The following GATB variants were observed in gnomAD, a reference collection of about 807,000 sequenced individuals.
The protein encoded by GATB is glutamyl-tRNA amidotransferase subunit B.
In GATB, 39 loss-of-function variants were observed where a neutral mutation model predicts 62.3. That is an observed-to-expected ratio of 0.63 (90% CI 0.48 to 0.82). GATB has a LOEUF of 0.82. Among genes scored for constraint, GATB ranks in the 40% least tolerant of loss-of-function variants. The pLI is 0.00. For synonymous variants in GATB, 276 were observed against 258.9 expected (o/e 1.07, Z -0.63); for missense variants, 670 against 684.0 (o/e 0.98, Z 0.23).
At chr4:151,758,643 T>C in intron 2 of GATB, 129 bp downstream of exon 2, 1 of 749,402 alleles carries the variant, frequency 1.3e-6, no homozygotes, top group Non-Finnish European at 2.0e-6. Flanking sequence ...TATATCCCGC[T>C]TCACCCAAAA....
At chr4:151,692,288 T>G (rs1490634167) in intron 9 of GATB, among the ~76,000 whole-genome samples, 3 of 152,180 alleles carry the variant, frequency 2.0e-5, no homozygotes, top group Non-Finnish European at 4.4e-5. Context: ...TGGCACTGCC[T>G]TTGAGGAAGA....
chr4:151,751,930 G>A (rs1019488074), intron 2 of GATB, among the ~76,000 whole-genome samples: 1 of 151,958 alleles, frequency 6.6e-6, no homozygotes, highest in Non-Finnish European at 1.5e-5. Context: ...CTCTTCCAAC[G>A]GTCTCATGGT....
chr4:151,697,981 A>ATG (rs1367801785), intron 9 of GATB, among the ~76,000 whole-genome samples: 3 of 133,008 alleles, frequency 2.3e-5, no homozygotes, highest in African/African-American at 9.0e-5. Flanking sequence ...ATATATATAT[A>ATG]TATATATATA....
At chr4:151,678,662 C>G (rs1217857566) in intron 11 of GATB, among the ~76,000 whole-genome samples, 1 of 152,164 alleles carries the variant, frequency 6.6e-6, no homozygotes, top group Non-Finnish European at 1.5e-5. Flanking sequence ...CCACAGCACC[C>G]AGCCCGGTGC....
At chr4:151,743,862 G>C (rs1286363425) in intron 2 of GATB, among the ~76,000 whole-genome samples, 2 of 152,188 alleles carry the variant, frequency 1.3e-5, no homozygotes, top group Admixed American at 6.5e-5. Context: ...GTGATAATCT[G>C]ACTTTGTGAA....
chr4:151,712,442 C>G (rs1456346069), intron 5 of GATB, among the ~76,000 whole-genome samples: 3 of 152,248 alleles, frequency 2.0e-5, no homozygotes, highest in African/African-American at 7.2e-5. Flanking sequence ...AGATTTATAA[C>G]AGCAAAACTA....
chr4:151,743,737 C>T (rs1578937395), intron 2 of GATB, among the ~76,000 whole-genome samples: 1 of 152,194 alleles, frequency 6.6e-6, no homozygotes, highest in East Asian at 1.9e-4. Context: ...TTTTCAGGAC[C>T]TCTTCCTATT....
intron 10 of GATB, among the ~76,000 whole-genome samples, chr4:151,680,309 C>T (rs1181106989): frequency 2.0e-5 from 3 of 150,824 alleles, no homozygotes; most frequent in South Asian, 2.1e-4. Context: ...AACAAAGTCA[C>T]GTTTCTGAGT....
Position 151,701,433 on chromosome 4 carries a change from T to C in GATB, c.1093A>G (p.Asn365Asp). Residue 365 changes from asparagine to aspartate, a missense_variant, in exon 9 of 13, where the codon AAT becomes GAT. By Grantham distance (23) the Asn-to-Asp change is conservative. Coordinates refer to ENST00000263985, the MANE Select transcript of GATB (RefSeq NM_004564.3). ...PAGADPQQVI[N>D]IDQIRETLPE... is the part of the protein sequence containing the mutation. ...AGTGTCTCCCGAATCTGGTCAATATTGATCACTTGCTGTGGGTCTGCACCT... is the reference window on the plus strand; with the variant it reads ...AGTGTCTCCCGAATCTGGTCAATATCGATCACTTGCTGTGGGTCTGCACCT... The C allele has an allele frequency of 6.2e-7, 1 of 1,604,730 alleles. No individual in the cohort carries two copies. The highest frequency in any genetic ancestry group is 8.5e-7 in the Non-Finnish European group (1 of 1,175,454).
At chr4:151,710,842 G>A (rs1046782849) in intron 5 of GATB, among the ~76,000 whole-genome samples, 1 of 152,092 alleles carries the variant, frequency 6.6e-6, no homozygotes, top group African/African-American at 2.4e-5. Flanking sequence ...ACCTCATGCT[G>A]AGGATGCCTA....
At chr4:151,744,770 C>G (rs2126994962) in intron 2 of GATB, among the ~76,000 whole-genome samples, 1 of 152,176 alleles carries the variant, frequency 6.6e-6, no homozygotes, top group African/African-American at 2.4e-5. Context: ...AAATGCTTCC[C>G]ACAGGGAGGG....
chr4:151,736,883 A>G (rs1300259599), intron 2 of GATB, among the ~76,000 whole-genome samples: 1 of 152,160 alleles, frequency 6.6e-6, no homozygotes, highest in Non-Finnish European at 1.5e-5. Context: ...CTGCCATGTG[A>G]GGCATGCCTT....
At chr4:151,688,582 G>A (rs756493784) in intron 10 of GATB, 48 bp downstream of exon 10, 2 of 1,573,422 alleles carry the variant, frequency 1.3e-6, no homozygotes, top group Admixed American at 2.0e-5. Context: ...CAGCACTTCT[G>A]GACAGAGCTC....
chr4:151,728,656 T>G (rs1739185080), intron 2 of GATB, among the ~76,000 whole-genome samples: 1 of 152,202 alleles, frequency 6.6e-6, no homozygotes, highest in African/African-American at 2.4e-5. Flanking sequence ...CCTGGAGAGA[T>G]CTGATGCAAT....
rs187843299 is a variant in GATB at position 151,740,049 on chromosome 4, G to A, written c.327+18723C>T. Among the ~76,000 whole-genome samples, 6 of 152,288 alleles carry A rather than the reference G, an allele frequency of 3.9e-5. No homozygotes were observed. The East Asian group carries it at 5.8e-4, about 15-fold the overall frequency. Reference sequence around the variant, plus strand: ...AGGCAGCAAGTACTAAAAAGCATATGGCTAAACATCACGTTGCATTTTTCA... The same window carrying A: ...AGGCAGCAAGTACTAAAAAGCATATAGCTAAACATCACGTTGCATTTTTCA... On this transcript the variant is annotated intron_variant, in intron 2 of 12. Transcript: ENST00000263985.
intron 2 of GATB, among the ~76,000 whole-genome samples, chr4:151,748,560 T>G (rs561068770): frequency 6.6e-6 from 1 of 152,166 alleles, no homozygotes; most frequent in East Asian, 1.9e-4. Flanking sequence ...ATAAAAACCC[T>G]AGAAGAAAAC....
intron 2 of GATB, among the ~76,000 whole-genome samples, chr4:151,757,053 A>G (rs1031636855): frequency 1.3e-5 from 2 of 152,226 alleles, no homozygotes; most frequent in African/African-American, 4.8e-5. Context: ...CTTGCCTTCC[A>G]TTTTACAATA....
chr4:151,674,489 T>G (rs1190290926), intron 11 of GATB: 1 of 152,202 alleles, frequency 6.6e-6, no homozygotes, highest in Non-Finnish European at 1.5e-5. Context: ...GCAGAAAATA[T>G]AAGGAAATAC....
chr4:151,681,157 G>A (rs936797541), intron 10 of GATB, among the ~76,000 whole-genome samples: 3 of 152,172 alleles, frequency 2.0e-5, no homozygotes, highest in Non-Finnish European at 4.4e-5. Context: ...TCCCTATGCC[G>A]ATTTCCCGGG....
Sources: gnomAD v4.1 joint callset for allele counts (sites outside exome capture counted in the v4.1 genomes callset) on GRCh38, gnomAD v4.1.1 for gene constraint, MANE v1.5 for transcripts, NCBI Gene and HGNC (gene_info 2026-07-23, HGNC 2026-07-21) for gene names.